Variants in EIF4G2 observed in about 807,000 individuals in gnomAD.
The protein encoded by EIF4G2 is eukaryotic translation initiation factor 4 gamma 2.
In EIF4G2, 8 loss-of-function variants were observed where a neutral mutation model predicts 117.7. That is an observed-to-expected ratio of 0.07 (90% CI 0.04 to 0.12). The LOEUF is 0.12. EIF4G2 is among the 10% of genes least tolerant of loss of function. The probability of loss-of-function intolerance (pLI) is 1.00; values close to 1 mark genes in which losing one functional copy is unlikely to be tolerated. For synonymous variants in EIF4G2, 413 were observed against 367.8 expected (o/e 1.12, Z -1.41); for missense variants, 812 against 1,086.2 (o/e 0.75, Z 3.55).
chr11:10,802,010 A>T, intron 13 of EIF4G2, 39 bp downstream of exon 13: 1 of 1,597,944 alleles, frequency 6.3e-7, no homozygotes, highest in Non-Finnish European at 8.5e-7. Flanking sequence ...AATGTTGCAG[A>T]TAAGGTTTAG....
Position 10,801,299 on chromosome 11 carries a change from T to A in EIF4G2, c.1414-212A>T. The stretch of plus-strand genomic sequence containing the variant: ...CAGTAGTAAGATACTATTATAAATC[T>A]TACATTCTCTTAGAATTAGCATGAC... On this transcript the variant is annotated intron_variant, in intron 14 of 21. Transcript: ENST00000339995. The A allele has an allele frequency of 7.8e-6, 5 of 644,856 alleles. No individual in the cohort carries two copies. The South Asian group carries it at 8.0e-5, about 10-fold the overall frequency. The allele number at this position is 644,856 out of a possible 1,614,324, so 39.9% of individuals were successfully genotyped here. A position where few individuals can be genotyped will look rare whatever the true frequency, so the allele number is the denominator to read the frequency against.
chr11:10,808,051 A>G (rs1465954139), intron 1 of EIF4G2: 20 of 1,042,526 alleles, frequency 1.9e-5, no homozygotes, highest in Non-Finnish European at 2.3e-5. Flanking sequence ...GGAGCAGCTG[A>G]GGCCACCCCC....
At chr11:10,808,265 G>A in intron 1 of EIF4G2, 3 of 1,201,914 alleles carry the variant, frequency 2.5e-6, no homozygotes, top group East Asian at 9.0e-5. Flanking sequence ...GCCGACTCCA[G>A]GTCCTACACA....
At position 10,802,385 on chromosome 11, in the gene EIF4G2, G is replaced by A; in HGVS notation, c.1047C>T (p.Asp349=). The A allele has an allele frequency of 3.1e-6, 5 of 1,613,804 alleles. No homozygotes were observed. The highest frequency in any genetic ancestry group is 1.1e-5 in the South Asian group (1 of 91,006). The change falls in exon 12 of 22, where the codon GAC becomes GAT. Residue 349 remains aspartate, a synonymous_variant. Coordinates refer to ENST00000339995, the MANE Select transcript of EIF4G2 (RefSeq NM_001418.4). ...GCATGAACGGTCCCTCCAGAAAGAA[G>A]TCACTTCTCATCCCTTGAGCCATAG... is the stretch of plus-strand genomic sequence containing the variant.
chr11:10,807,707 A>T, intron 1 of EIF4G2: 1 of 995,192 alleles, frequency 1.0e-6, no homozygotes, highest in Non-Finnish European at 1.2e-6. Flanking sequence ...CACGAGCAAC[A>T]TCACGTGGAA....
At position 10,802,992 on chromosome 11, in the gene EIF4G2, A is replaced by G. The variant is rs781222653; in HGVS notation, c.996+38T>C. ...GAAACCCATTCTATTCTACACACAC[A>G]GAGTCTATGTGACAAACAAAACAAA... On this transcript the variant is annotated intron_variant, in intron 11 of 21. Coordinates refer to ENST00000339995, the MANE Select transcript of EIF4G2 (RefSeq NM_001418.4). 1.1e-5 allele frequency: 18 copies of G among 1,583,854 alleles called. No homozygotes were observed. The Admixed American group carries it at 1.9e-4, about 16-fold the overall frequency.
At position 10,804,923 on chromosome 11, in the gene EIF4G2, A is replaced by C; in HGVS notation, c.341T>G (p.Val114Gly). The C allele has an allele frequency of 6.2e-7, 1 of 1,613,518 alleles. No homozygotes were observed. Among genetic ancestry groups the C allele is most frequent in the South Asian group, 1.1e-5 (1 of 91,066 alleles). The change falls in exon 5 of 22, where the codon GTC becomes GGC. Residue 114 changes from valine to glycine, a missense_variant. Coordinates refer to ENST00000339995, the MANE Select transcript of EIF4G2 (RefSeq NM_001418.4). Reference sequence around the variant, plus strand: ...ATATTTAAAACTTACCAGCAGTATGACCCCTTTAAGGATGAGTTTAGACTC... The same window carrying C: ...ATATTTAAAACTTACCAGCAGTATGCCCCCTTTAAGGATGAGTTTAGACTC...
Position 10,800,062 on chromosome 11 carries a change from CA to C in EIF4G2, c.2119+27del, listed in dbSNP as rs758608139. On this transcript the variant is annotated intron_variant, in intron 18 of 21. Transcript: ENST00000339995. ...ATCTCTAGATATAATATTAAAAAAA[CA>C]AAACAAACAAGTCAGCATTCTCTTA... is the stretch of plus-strand genomic sequence containing the variant. 1,637 of 1,599,692 alleles carry C rather than the reference CA, an allele frequency of 1.0e-3. 1 individual carries two copies. Among genetic ancestry groups the C allele is most frequent in the South Asian group, 1.5e-3 (133 of 89,824 alleles).
intron 14 of EIF4G2, 194 bp downstream of exon 14, chr11:10,801,467 T>C (rs767495144): frequency 1.8e-5 from 13 of 741,220 alleles, no homozygotes; most frequent in Non-Finnish European, 7.2e-6. Flanking sequence ...TTTAGGAGAC[T>C]TGCCCTCATA....
intron 1 of EIF4G2, chr11:10,807,779 G>A: frequency 1.0e-6 from 1 of 991,026 alleles, no homozygotes; most frequent in Non-Finnish European, 1.2e-6. Context: ...AGGTCTCTCC[G>A]AAAGCTCTTC....
intron 5 of EIF4G2, 146 bp from the exon 6 acceptor site, chr11:10,804,564 C>A: frequency 9.6e-7 from 1 of 1,041,116 alleles, no homozygotes. Context: ...ACATCCATCT[C>A]CTGGGAGTCA....
intron 3 of EIF4G2, chr11:10,806,608 GA>G (rs1046831956): frequency 3.8e-6 from 2 of 531,028 alleles, no homozygotes; most frequent in South Asian, 2.9e-5. Context: ...AAAGAATAAG[GA>G]AAAAAATAAC....
intron 5 of EIF4G2, 64 bp downstream of exon 5, chr11:10,804,849 C>T (rs1214270887): frequency 2.1e-6 from 3 of 1,400,600 alleles, no homozygotes; most frequent in African/African-American, 2.9e-5. Flanking sequence ...TGTAAAAAAA[C>T]ACAACTTGAG....
Position 10,806,451 on chromosome 11 carries a change from G to A in EIF4G2, c.107+369C>T, listed in dbSNP as rs75628120. The A allele has an allele frequency of 8.9e-4, 290 of 326,246 alleles. 2 individuals are homozygous for A. Among genetic ancestry groups the A allele is most frequent in the African/African-American group, 5.7e-3 (274 of 47,976 alleles). 20.2% of individuals were successfully genotyped at this position (326,246 alleles called of 1,614,324 possible). ...CTTTGCCTCCCAAAGTTGTTGTTGG[G>A]ATTACAGGTGTGAGCCACTGTACCG... On this transcript the variant is annotated intron_variant, in intron 3 of 21. Transcript: ENST00000339995.
Position 10,807,350 on chromosome 11 carries a change from GGGGA to G in EIF4G2, c.-59_-56del. On this transcript the variant is annotated 5_prime_UTR_variant, in exon 2 of 22. Coordinates refer to ENST00000339995, the MANE Select transcript of EIF4G2 (RefSeq NM_001418.4). ...AAAGAATAATATTAATAGATGGGGT[GGGGA>G]GGGGAGGGGACAGGAGAAATGAAAT... 6.2e-7 allele frequency: 1 copy of G among 1,608,352 alleles called. No individual in the cohort carries two copies. Among genetic ancestry groups the G allele is most frequent in the Non-Finnish European group, 8.5e-7 (1 of 1,177,702 alleles).
chr11:10,799,784 C>T (rs1179484663), intron 18 of EIF4G2, 28 bp from the exon 19 acceptor site: 2 of 1,600,012 alleles, frequency 1.2e-6, no homozygotes, highest in African/African-American at 2.7e-5. Flanking sequence ...CCTGCATCAT[C>T]TAATAGTTCA....
Position 10,800,455 on chromosome 11 carries a change from C to CTA in EIF4G2, c.1835_1836dup (p.Ala613Ter). The CTA allele has an allele frequency of 6.2e-7, 1 of 1,614,196 alleles. No homozygotes were observed. The highest frequency in any genetic ancestry group is 8.5e-7 in the Non-Finnish European group (1 of 1,180,020). On this transcript the variant is annotated frameshift_variant, in exon 17 of 22. Coordinates refer to ENST00000339995, the MANE Select transcript of EIF4G2 (RefSeq NM_001418.4). LOFTEE classifies it high-confidence loss of function. ...ACCTGCATGAAGTTGTCACTTGTGG[C>CTA]TATCCCTTCCTGTTTGAGTAAACTG... is the stretch of plus-strand genomic sequence containing the variant.
Position 10,806,028 on chromosome 11 carries a change from G to C in EIF4G2, c.127C>G (p.Pro43Ala). The C allele has an allele frequency of 6.2e-7, 1 of 1,614,158 alleles. No homozygotes were observed. The highest frequency in any genetic ancestry group is 8.5e-7 in the Non-Finnish European group (1 of 1,180,032). Reference sequence around the variant, plus strand: ...ATCCATTTCTGAGCGTTTTGCCCTGGGGTTTTCCCCAGGAACTCGCTGATT... The same window carrying C: ...ATCCATTTCTGAGCGTTTTGCCCTGCGGTTTTCCCCAGGAACTCGCTGATT... The change falls in exon 4 of 22, where the codon CCA becomes GCA. Residue 43 changes from proline (P) to alanine (A), a missense_variant. Physicochemically the swap from Pro to Ala is conservative, Grantham distance 27. Around this residue, in one of 4 missense-constraint regions of EIF4G2, gnomAD observed 79 missense variants for 91.5 expected, o/e 0.86. Coordinates refer to ENST00000339995, the MANE Select transcript of EIF4G2 (RefSeq NM_001418.4).
intron 12 of EIF4G2, 29 bp downstream of exon 12, chr11:10,802,265 T>G (rs1162545227): frequency 6.2e-7 from 1 of 1,611,990 alleles, no homozygotes; most frequent in Non-Finnish European, 8.5e-7. Context: ...TTTTTCAGCT[T>G]AACGCAACCA....
Sources: allele counts gnomAD v4.1 joint callset, GRCh38; gene constraint gnomAD v4.1.1; regional missense constraint gnomAD v4.1.1; transcripts MANE v1.5; gene names NCBI Gene and HGNC (gene_info 2026-07-23, HGNC 2026-07-21).